Variants in WWP2 observed in about 807,000 individuals in gnomAD.
The protein encoded by WWP2 is NEDD4-like E3 ubiquitin-protein ligase WWP2.
Under a neutral mutation model 121.0 loss-of-function variants are expected in WWP2, and 57 were observed. The observed-to-expected ratio is 0.47, with a 90% confidence interval of 0.38 to 0.59. The LOEUF (loss-of-function observed/expected upper bound fraction) is 0.59. Among genes scored for constraint, WWP2 ranks in the 20% least tolerant of loss-of-function variants. The pLI is 0.00. For missense variants in WWP2, 962 were observed against 1,158.9 expected (o/e 0.83, Z 2.47); for synonymous variants, 449 against 441.3 (o/e 1.02, Z -0.22).
At chr16:69,789,475 G>T (rs1249388476) in intron 2 of WWP2, among the ~76,000 whole-genome samples, 2 of 152,088 alleles carry the variant, frequency 1.3e-5, no homozygotes, top group Admixed American at 6.6e-5. Flanking sequence ...TGATCTCCCC[G>T]CCTCGGCCTC....
chr16:69,937,535 C>G lies in WWP2; in HGVS notation c.2239-13C>G. On this transcript the variant is annotated splice_polypyrimidine_tract_variant and intron_variant, in intron 20 of 23. Coordinates refer to ENST00000359154, the MANE Select transcript of WWP2 (RefSeq NM_001270454.2). This position sits in a 1 kb window ranked among gnomAD's most constrained non-coding sequence, Gnocchi z 6.6. The stretch of plus-strand genomic sequence containing the variant: ...GGGACCTGCCGGGGATGCTGACTGC[C>G]GCCTCTCCCCAGCTGATGCTGTGCG... 6 of 1,613,588 alleles carry G rather than the reference C, an allele frequency of 3.7e-6. No individual in the cohort carries two copies. Among genetic ancestry groups the G allele is most frequent in the Non-Finnish European group, 5.1e-6 (6 of 1,179,784 alleles).
chr16:69,777,766 A>G (rs958381658), intron 1 of WWP2, among the ~76,000 whole-genome samples: 14 of 151,122 alleles, frequency 9.3e-5, no homozygotes, highest in African/African-American at 3.4e-4. Context: ...ATATATAAAT[A>G]TGTTATTTAT....
In WWP2 at chr16:69,939,389, C is replaced by G; in HGVS notation, c.2489C>G (p.Thr830Ser). 1 of 1,614,168 alleles carries G rather than the reference C, an allele frequency of 6.2e-7. No homozygotes were observed. Among genetic ancestry groups the G allele is most frequent in the Non-Finnish European group, 8.5e-7 (1 of 1,180,034 alleles). ...TGCATTGACAAAGTTGGCAAGGAAA[C>G]CTGGCTGCCCAGAAGCCACACCTGG... ...KFCIDKVGKE[T>S]WLPRSHTCFN... Residue 830 changes from threonine (T) to serine (S), a missense_variant, in exon 23 of 24, where the codon ACC becomes AGC. Physicochemically the swap from Thr to Ser is moderately conservative, Grantham distance 58. Coordinates refer to ENST00000359154, the MANE Select transcript of WWP2 (RefSeq NM_001270454.2).
intron 4 of WWP2, among the ~76,000 whole-genome samples, chr16:69,833,569 G>C (rs553122900): frequency 6.6e-6 from 1 of 152,326 alleles, no homozygotes; most frequent in South Asian, 2.1e-4. Context: ...CCTTACTGCT[G>C]TCTGTCGACC....
chr16:69,901,461 G>T (rs1308930947), intron 8 of WWP2, among the ~76,000 whole-genome samples: 1 of 152,144 alleles, frequency 6.6e-6, no homozygotes, highest in Admixed American at 6.5e-5. Context: ...CGCCCAGTCT[G>T]GGGTGCAGTG....
At chr16:69,916,929 C>T (rs868333732) in intron 9 of WWP2, among the ~76,000 whole-genome samples, 1 of 152,004 alleles carries the variant, frequency 6.6e-6, no homozygotes, top group East Asian at 1.9e-4. Flanking sequence ...TTTGGGAGGC[C>T]GAGGTGGGAG....
At chr16:69,807,724 G>A (rs1324889062) in intron 4 of WWP2, among the ~76,000 whole-genome samples, 2 of 151,722 alleles carry the variant, frequency 1.3e-5, no homozygotes, top group Non-Finnish European at 2.9e-5. Flanking sequence ...AGGCTGAGGT[G>A]GTAGGATTGC....
At chr16:69,861,537 G>A (rs2057420491) in intron 6 of WWP2, among the ~76,000 whole-genome samples, 2 of 152,136 alleles carry the variant, frequency 1.3e-5, no homozygotes, top group African/African-American at 4.8e-5. Context: ...CAGTCCAGAG[G>A]TAGGGTGTGG....
At chr16:69,807,812 A>T (rs1217130618) in intron 4 of WWP2, among the ~76,000 whole-genome samples, 1 of 151,956 alleles carries the variant, frequency 6.6e-6, no homozygotes, top group African/African-American at 2.4e-5. Flanking sequence ...TAAAAAAATT[A>T]GCCAGGTGTG....
Position 69,841,857 on chromosome 16 carries a change from G to A in WWP2, c.479-167G>A, listed in dbSNP as rs143576171. 1.3e-3 allele frequency among the ~76,000 whole-genome samples: 194 copies of A among 152,208 alleles called. 1 individual carries two copies. Among genetic ancestry groups the A allele is most frequent in the African/African-American group, 4.6e-3 (190 of 41,532 alleles). On this transcript the variant is annotated intron_variant, in intron 5 of 23. Coordinates refer to ENST00000359154, the MANE Select transcript of WWP2 (RefSeq NM_001270454.2). Reference sequence around the variant, plus strand: ...TGGCATGGATCGGATCCATATGATCGTCCCTGTTCCTCTTCTCCTGGTGGC... The same window carrying A: ...TGGCATGGATCGGATCCATATGATCATCCCTGTTCCTCTTCTCCTGGTGGC...
chr16:69,931,518 C>T lies in WWP2; in HGVS notation c.1531C>T (p.Leu511=), dbSNP rs2058712827. Residue 511 remains leucine (L), a synonymous_variant, in exon 15 of 24, where the codon CTA becomes TTA. Transcript: ENST00000359154. ...CTTTTTTTTTTTTCAGTCAAATGCC[C>T]TACCTAGCCACGTGAAGATCAGCGT... ...QFRFLCHSNA[L]PSHVKISVSR... 1.1e-5 allele frequency: 18 copies of T among 1,613,774 alleles called. No homozygotes were observed. Among genetic ancestry groups the T allele is most frequent in the South Asian group, 3.3e-5 (3 of 91,046 alleles).
chr16:69,938,926 A>C, intron 21 of WWP2, 101 bp from the exon 22 acceptor site: 1 of 1,037,280 alleles, frequency 9.6e-7, no homozygotes, highest in Non-Finnish European at 1.4e-6. Context: ...TTGTGTTCTC[A>C]GCCCCAAAGA....
At chr16:69,833,862 G>A (rs1329453749) in intron 4 of WWP2, among the ~76,000 whole-genome samples, 1 of 152,170 alleles carries the variant, frequency 6.6e-6, no homozygotes, top group Admixed American at 6.5e-5. Context: ...CAAGAGATCA[G>A]TGGCCCTGCG....
chr16:69,875,322 A>G (rs2057716609), intron 7 of WWP2, among the ~76,000 whole-genome samples: 2 of 152,220 alleles, frequency 1.3e-5, no homozygotes, highest in Non-Finnish European at 2.9e-5. Context: ...GCCAGTGGAA[A>G]TCTCTTCACT....
rs1018999667 is a variant in WWP2, at chr16:69,939,565, G to T, written c.2513+152G>T. 5.2e-6 allele frequency: 4 copies of T among 767,060 alleles called. No individual in the cohort carries two copies. In the East Asian group the frequency reaches 1.1e-4, roughly 21 times the overall value. The allele number at this position is 767,060 out of a possible 1,614,324, so 47.5% of individuals were successfully genotyped here. On this transcript the variant is annotated intron_variant, in intron 23 of 23. Transcript: ENST00000359154. ...GGTTGGAGAGATGGGGCTGTGATGG[G>T]CATCTGATCTACCGGGTTTTACATA...
intron 8 of WWP2, among the ~76,000 whole-genome samples, chr16:69,902,955 C>G (rs2058228204): frequency 6.6e-6 from 1 of 151,994 alleles, no homozygotes; most frequent in Non-Finnish European, 1.5e-5. Context: ...GGAGGCAGGC[C>G]AGGTCATGGA....
chr16:69,890,668 T>G (rs2058011060), intron 8 of WWP2: 1 of 152,134 alleles, frequency 6.6e-6, no homozygotes, highest in African/African-American at 2.4e-5. Context: ...CCTGTGTCAG[T>G]CACAGGCAAT....
intron 2 of WWP2, among the ~76,000 whole-genome samples, chr16:69,793,007 C>T (rs532344384): frequency 6.6e-6 from 1 of 152,232 alleles, no homozygotes; most frequent in African/African-American, 2.4e-5. Context: ...CGAATCTAAT[C>T]ATGAGGAAAC....
chr16:69,894,759 G>A (rs28522432), intron 8 of WWP2, among the ~76,000 whole-genome samples: 5,658 of 152,232 alleles, frequency 0.037, 297 homozygotes, highest in African/African-American at 0.12. Flanking sequence ...TGGGGACCCA[G>A]TGCTCATTAT....
Sources: allele counts gnomAD v4.1 joint callset (sites outside exome capture counted in the v4.1 genomes callset), GRCh38; gene constraint gnomAD v4.1.1; non-coding constraint Gnocchi (gnomAD v3.1); transcripts MANE v1.5; gene names NCBI Gene and HGNC (gene_info 2026-07-23, HGNC 2026-07-21).